The following TECPR1 variants were observed in gnomAD, a reference collection of about 807,000 sequenced individuals.
TECPR1 encodes tectonin beta-propeller repeat-containing protein 1.
Under a neutral mutation model 162.4 loss-of-function variants are expected in TECPR1, and 122 were observed. That is an observed-to-expected ratio of 0.75 (90% CI 0.65 to 0.87). The LOEUF (loss-of-function observed/expected upper bound fraction) is 0.87, where lower values mean the gene tolerates loss of function less well. TECPR1 is among the 40% of genes least tolerant of loss of function. The probability of loss-of-function intolerance (pLI) is 0.00; values close to 1 mark genes in which losing one functional copy is unlikely to be tolerated. For synonymous variants in TECPR1, 642 were observed against 670.6 expected (o/e 0.96, Z 0.66); for missense variants, 1,432 against 1,618.2 (o/e 0.88, Z 1.97).
intron 15 of TECPR1, 144 bp downstream of exon 15, chr7:98,230,817 C>A: frequency 2.7e-6 from 3 of 1,123,668 alleles, no homozygotes; most frequent in East Asian, 5.2e-5. Context: ...GACTTGGGGG[C>A]CTGGGAACCA....
intron 16 of TECPR1, 177 bp downstream of exon 16, chr7:98,228,862 G>A (rs1798346997): frequency 3.5e-6 from 3 of 860,142 alleles, no homozygotes; most frequent in Non-Finnish European, 5.1e-6. Flanking sequence ...CTCGAAGTGG[G>A]TACTGGCAGG....
Position 98,236,770 on chromosome 7 carries a change from A to C in TECPR1, c.1181+6T>G. 1.3e-6 allele frequency: 2 copies of C among 1,593,798 alleles called. No individual in the cohort carries two copies. The highest frequency in any genetic ancestry group is 1.7e-4 in the Middle Eastern group (1 of 6,046). On this transcript the variant is annotated splice_donor_region_variant and intron_variant, in intron 10 of 25. Coordinates refer to ENST00000447648, the MANE Select transcript of TECPR1 (RefSeq NM_015395.3). The stretch of plus-strand genomic sequence containing the variant: ...GACTCCTGCGCACCCTGCCACCCCC[A>C]GTCACCTGAGGAGACTAGACGAGCT...
intron 15 of TECPR1, among the ~76,000 whole-genome samples, chr7:98,229,445 T>C (rs1000884980): frequency 2.6e-5 from 4 of 152,104 alleles, no homozygotes; most frequent in Non-Finnish European, 5.9e-5. Flanking sequence ...TTCAGCCCCA[T>C]GGTGACATGG....
rs553762299 is a variant in TECPR1 at position 98,226,064 on chromosome 7, G to A, written c.2514-962C>T. On this transcript the variant is annotated intron_variant, in intron 17 of 25. Transcript: ENST00000447648. ...TGCCTGGAGAACGCAGCTGGGGCAC[G>A]CATTTGTGTTGACCAGCTGTGGCCC... is the stretch of plus-strand genomic sequence containing the variant. Among the ~76,000 whole-genome samples, 943 of 152,296 alleles carry A rather than the reference G, an allele frequency of 6.2e-3. 9 individuals are homozygous for A. The highest frequency in any genetic ancestry group is 6.4e-3 in the Non-Finnish European group (435 of 68,020).
rs762614600 is a variant in TECPR1 at position 98,231,793 on chromosome 7, C to T, written c.1974+11G>A. On this transcript the variant is annotated intron_variant, in intron 13 of 25. Coordinates refer to ENST00000447648, the MANE Select transcript of TECPR1 (RefSeq NM_015395.3). Reference sequence around the variant, plus strand: ...CTCCCTGGCCCCATCTCCTGTGGGACCCGTGGGCACCTTCTTCTCCTCGTG... The same window carrying T: ...CTCCCTGGCCCCATCTCCTGTGGGATCCGTGGGCACCTTCTTCTCCTCGTG... 1.2e-6 allele frequency: 2 copies of T among 1,609,120 alleles called. No homozygotes were observed. Among genetic ancestry groups the T allele is most frequent in the Admixed American group, 3.3e-5 (2 of 59,886 alleles).
At chr7:98,231,531 C>A in intron 13 of TECPR1, 158 bp from the exon 14 acceptor site, 1 of 509,340 alleles carries the variant, frequency 2.0e-6, no homozygotes, top group Non-Finnish European at 3.1e-6. Flanking sequence ...CATTTCTTTA[C>A]CCCCTCCCCA....
chr7:98,230,987 G>T lies in TECPR1; in HGVS notation c.2256C>A (p.His752Gln). 6.2e-7 allele frequency: 1 copy of T among 1,612,344 alleles called. No individual in the cohort carries two copies. The change falls in exon 15 of 26, where the codon CAC (histidine) becomes CAA (glutamine). Residue 752 changes from histidine (H) to glutamine (Q), a missense_variant. Transcript: ENST00000447648. ...VSEPSPDLEA[H>Q]EHPLPCDQMF... Reference sequence around the variant, plus strand: ...TCTGGTCGCAGGGCAGGGGGTGCTCGTGGGCCTCCAGGTCTGGGCTGGGCT... The same window carrying T: ...TCTGGTCGCAGGGCAGGGGGTGCTCTTGGGCCTCCAGGTCTGGGCTGGGCT...
intron 2 of TECPR1, among the ~76,000 whole-genome samples, chr7:98,250,479 A>T (rs745670140): frequency 1.6e-4 from 24 of 150,112 alleles, no homozygotes; most frequent in Non-Finnish European, 3.0e-4. Context: ...ATAAAAAGTT[A>T]AAAAAAAAAT....
chr7:98,236,469 G>A (rs1798602560), intron 10 of TECPR1, among the ~76,000 whole-genome samples: 1 of 151,782 alleles, frequency 6.6e-6, no homozygotes, highest in Non-Finnish European at 1.5e-5. Context: ...CCCAGCTCAG[G>A]GTCGAGCCTT....
intron 17 of TECPR1, chr7:98,226,423 T>TA: frequency 1.0e-6 from 1 of 985,220 alleles, no homozygotes; most frequent in South Asian, 4.7e-5. Flanking sequence ...TAAAGTCAGA[T>TA]ACACTGGGTC....
At chr7:98,238,403 G>T (rs1157941668) in intron 9 of TECPR1, 106 bp downstream of exon 9, 4 of 895,924 alleles carry the variant, frequency 4.5e-6, no homozygotes, top group Non-Finnish European at 7.2e-6. Context: ...ACAATGGAGT[G>T]GGGGGCTCTC....
Position 98,222,519 on chromosome 7 carries a change from G to T in TECPR1, c.2931C>A (p.Gly977=). The T allele has an allele frequency of 6.3e-7, 1 of 1,577,470 alleles. No individual in the cohort carries two copies. The highest frequency in any genetic ancestry group is 8.6e-7 in the Non-Finnish European group (1 of 1,163,060). ...CGGTGCCAACGTGCAGCCAGGAGGA[G>T]CCCTGGGGATAGCAAGGAGGGGCGC... ...RLGVSELNPA[G]SSWLHVGTDQ... The change falls in exon 22 of 26, where the codon GGC becomes GGA. Residue 977 remains glycine, a splice_region_variant and synonymous_variant. Coordinates refer to ENST00000447648, the MANE Select transcript of TECPR1 (RefSeq NM_015395.3).
Position 98,217,800 on chromosome 7 carries a change from G to C in TECPR1, c.3276C>G (p.Ile1092Met). The change falls in exon 25 of 26, where the codon ATC becomes ATG. Residue 1092 changes from isoleucine to methionine, a missense_variant. By Grantham distance (10) the Ile-to-Met change is conservative. Coordinates refer to ENST00000447648, the MANE Select transcript of TECPR1 (RefSeq NM_015395.3). ...SVGPLDQVWV[I>M]ANKVQGSHSL... ...TGTGGCTGCCCTGCACTTTGTTGGC[G>C]ATCACCCAGACCTGGAGCACAGACC... 6.4e-7 allele frequency: 1 copy of C among 1,550,746 alleles called. No homozygotes were observed. Among genetic ancestry groups the C allele is most frequent in the Non-Finnish European group, 8.7e-7 (1 of 1,146,952 alleles).
At position 98,217,051 on chromosome 7, in the gene TECPR1, T is replaced by C. The variant is rs1362709451; in HGVS notation, c.*339A>G. ...GGCTCTGCTGCCCCAGGGCCGGCGT[T>C]CCCGGAGGGCTCCAGGTTCCCGGTT... On this transcript the variant is annotated 3_prime_UTR_variant, in exon 26 of 26. Coordinates refer to ENST00000447648, the MANE Select transcript of TECPR1 (RefSeq NM_015395.3). 11 of 236,902 alleles carry C rather than the reference T, an allele frequency of 4.6e-5. No individual in the cohort carries two copies. Among genetic ancestry groups the C allele is most frequent in the Non-Finnish European group, 8.2e-5 (10 of 122,572 alleles). The allele number at this position is 236,902 out of a possible 1,614,324, so 14.7% of individuals were successfully genotyped here.
intron 23 of TECPR1, among the ~76,000 whole-genome samples, chr7:98,220,561 T>G: frequency 7.3e-6 from 1 of 136,990 alleles, no homozygotes. Context: ...CTACCACATC[T>G]GGCTTTTTTT....
Position 98,233,555 on chromosome 7 carries a change from G to A in TECPR1, c.1538C>T (p.Ser513Phe), listed in dbSNP as rs760532973. 163 of 1,596,034 alleles carry A rather than the reference G, an allele frequency of 1.0e-4. No homozygotes were observed. Among genetic ancestry groups the A allele is most frequent in the Non-Finnish European group, 1.2e-4 (140 of 1,172,984 alleles). The change falls in exon 11 of 26, where the codon TCC (serine) becomes TTC (phenylalanine). Residue 513 changes from serine to phenylalanine, a missense_variant. By Grantham distance (155) the Ser-to-Phe change is radical. Coordinates refer to ENST00000447648, the MANE Select transcript of TECPR1 (RefSeq NM_015395.3). ...GCCCAGTGGGAGGAGCCCCAGAGAG[G>A]AGAGGCTGGTGGTCTCGGGGAAGCC... Reference protein sequence around the residue: ...AAGFPETTSLSSLGLLPLGLE... With the variant: ...AAGFPETTSLFSLGLLPLGLE...
chr7:98,217,954 G>C lies in TECPR1; in HGVS notation c.3246C>G (p.Ser1082=). ...CCCCCACCTGGTCCAGGGGCCCCACGGACACTCGGCACACGTTGTTGGACA... is the reference window on the plus strand; with the variant it reads ...CCCCCACCTGGTCCAGGGGCCCCACCGACACTCGGCACACGTTGTTGGACA... ...EHVSNNVCRV[S]VGPLDQVWVI... The change falls in exon 24 of 26, where the codon TCC becomes TCG. Residue 1082 remains serine (S), a synonymous_variant. Coordinates refer to ENST00000447648, the MANE Select transcript of TECPR1 (RefSeq NM_015395.3). 6.4e-7 allele frequency: 1 copy of C among 1,557,264 alleles called. No individual in the cohort carries two copies.
At chr7:98,242,366 T>C (rs962400544) in intron 6 of TECPR1, among the ~76,000 whole-genome samples, 1 of 152,056 alleles carries the variant, frequency 6.6e-6, no homozygotes, top group African/African-American at 2.4e-5. Context: ...ACAAACTCCT[T>C]GAGACAGGAT....
At chr7:98,229,315 C>T in intron 15 of TECPR1, 149 bp from the exon 16 acceptor site, 1 of 1,062,940 alleles carries the variant, frequency 9.4e-7, no homozygotes, top group Non-Finnish European at 1.3e-6. Flanking sequence ...TGCCTGACCT[C>T]CGCGTTCATA....
Sources: gnomAD v4.1 joint callset for allele counts (sites outside exome capture counted in the v4.1 genomes callset) on GRCh38, gnomAD v4.1.1 for gene constraint, MANE v1.5 for transcripts, NCBI Gene and HGNC (gene_info 2026-07-23, HGNC 2026-07-21) for gene names.